Variants in SORL1 observed in about 807,000 individuals in gnomAD.
SORL1 encodes sortilin related receptor 1, also known as sortilin-related receptor.
In SORL1, 127 loss-of-function variants were observed where a neutral mutation model predicts 273.7. The observed-to-expected ratio is 0.46, with a 90% CI of 0.40 to 0.54. The LOEUF (loss-of-function observed/expected upper bound fraction) is 0.54, where lower values mean the gene tolerates loss of function less well. Among genes scored for constraint, SORL1 ranks in the 20% least tolerant of loss-of-function variants. The pLI is 0.00. For synonymous variants in SORL1, 1,031 were observed against 1,067.4 expected (o/e 0.97, Z 0.66); for missense variants, 2,494 against 2,846.1 (o/e 0.88, Z 2.81).
intron 12 of SORL1, among the ~76,000 whole-genome samples, chr11:121,537,857 G>A (rs1377290883): frequency 6.6e-6 from 1 of 152,224 alleles, no homozygotes; most frequent in African/African-American, 2.4e-5. Context: ...GAGATGCACA[G>A]TAGATACTTC....
chr11:121,618,622 C>G, intron 41 of SORL1, 152 bp from the exon 42 acceptor site: 1 of 938,830 alleles, frequency 1.1e-6, no homozygotes, highest in Non-Finnish European at 1.6e-6. Context: ...CAAGTGCCTT[C>G]TCTGTAAATG....
chr11:121,531,401 A>G (rs12277675), intron 11 of SORL1, among the ~76,000 whole-genome samples: 10,410 of 152,278 alleles, frequency 0.068, 474 homozygotes, highest in South Asian at 0.13. Context: ...CTCAAAAAAT[A>G]AAAAATTAAA....
chr11:121,629,261 G>A (rs1024606383), intron 47 of SORL1: 8 of 499,544 alleles, frequency 1.6e-5, no homozygotes, highest in Admixed American at 1.1e-4. Context: ...ATTTGGCTAC[G>A]TTCAAACGAC....
chr11:121,590,607 A>G, intron 30 of SORL1: 1 of 590,250 alleles, frequency 1.7e-6, no homozygotes, highest in Non-Finnish European at 3.0e-6. Context: ...CCTTTCTGGC[A>G]TTCTCATCTC....
chr11:121,621,302 C>CTCCAGAGACAGACTT, intron 44 of SORL1, 64 bp downstream of exon 44: 1 of 1,415,214 alleles, frequency 7.1e-7, no homozygotes, highest in Non-Finnish European at 9.7e-7. Context: ...GCCGCTAGAC[C>CTCCAGAGACAGACTT]TCCAGAGACA....
At chr11:121,562,137 A>G (rs1862686417) in intron 21 of SORL1, among the ~76,000 whole-genome samples, 1 of 152,046 alleles carries the variant, frequency 6.6e-6, no homozygotes, top group African/African-American at 2.4e-5. Flanking sequence ...CTAAAAATCC[A>G]CTCTGCTAGC....
In SORL1 at chr11:121,452,558, C is replaced by T. The variant is rs372705427; in HGVS notation, c.227C>T (p.Pro76Leu). Residue 76 changes from proline (P) to leucine (L), a missense_variant, in exon 1 of 48, where the codon CCG (proline) becomes CTG (leucine). This residue lies in a region of SORL1 where 175 missense variants were observed against 147.1 expected (regional missense o/e 1.19). Transcript: ENST00000260197. This position sits in a 1 kb window ranked among gnomAD's most constrained non-coding sequence, Gnocchi z 5.3. ...ARGASRADEK[P>L]LRRKRSAALQ... ...GGGGCGAGCCGCGCGGACGAGAAGC[C>T]GCTCCGGAGGAAACGGAGCGCTGCC... is the stretch of plus-strand genomic sequence containing the variant. 1.7e-4 allele frequency: 260 copies of T among 1,511,122 alleles called. No individual in the cohort carries two copies. Among genetic ancestry groups the T allele is most frequent in the Non-Finnish European group, 2.1e-4 (242 of 1,136,808 alleles). The allele number at this position is 1,511,122 out of a possible 1,614,324, so 93.6% of individuals were successfully genotyped here.
At position 121,520,880 on chromosome 11, in the gene SORL1, T is replaced by C. The variant is rs745395586; in HGVS notation, c.1404+31T>C. On this transcript the variant is annotated intron_variant, in intron 9 of 47. Transcript: ENST00000260197. Reference sequence around the variant, plus strand: ...GATGCTTTAATCTTCTTTTGCTTTTTAATATAAAGGAAAGAGCCCTGCTCT... The same window carrying C: ...GATGCTTTAATCTTCTTTTGCTTTTCAATATAAAGGAAAGAGCCCTGCTCT... 2.0e-6 allele frequency: 3 copies of C among 1,508,226 alleles called. No individual in the cohort carries two copies. The African/African-American group carries it at 4.2e-5, about 21-fold the overall frequency. 93.4% of individuals were successfully genotyped at this position (1,508,226 alleles called of 1,614,324 possible).
At chr11:121,486,712 C>T (rs1160610788) in intron 3 of SORL1, among the ~76,000 whole-genome samples, 1 of 152,058 alleles carries the variant, frequency 6.6e-6, no homozygotes, top group Non-Finnish European at 1.5e-5. Flanking sequence ...ATCTCCTGAC[C>T]TCGTGATCCC....
chr11:121,496,626 G>A (rs999229282), intron 5 of SORL1, among the ~76,000 whole-genome samples: 1 of 152,172 alleles, frequency 6.6e-6, no homozygotes. Context: ...GCAGGGCAGG[G>A]TTGCCTTGAG....
intron 8 of SORL1, among the ~76,000 whole-genome samples, chr11:121,517,206 C>A (rs935282686): frequency 6.6e-6 from 1 of 152,144 alleles, no homozygotes; most frequent in South Asian, 2.1e-4. Context: ...AAAAGAGAAC[C>A]CCATGCCCAT....
chr11:121,586,985 C>T (rs1367481466), intron 27 of SORL1, among the ~76,000 whole-genome samples: 1 of 152,104 alleles, frequency 6.6e-6, no homozygotes, highest in African/African-American at 2.4e-5. Context: ...GCAAACTAGC[C>T]TGTGGGCAAA....
At chr11:121,523,057 C>A in intron 11 of SORL1, 68 bp downstream of exon 11, 2 of 1,086,216 alleles carry the variant, frequency 1.8e-6, no homozygotes, top group Non-Finnish European at 2.9e-6. Context: ...GTAGACTGTG[C>A]CTTGGCATTT....
chr11:121,562,804 G>C (rs757447100), intron 21 of SORL1, among the ~76,000 whole-genome samples: 2 of 152,202 alleles, frequency 1.3e-5, no homozygotes, highest in Non-Finnish European at 2.9e-5. Flanking sequence ...AAGATCTGCT[G>C]TAAGAACGAA....
intron 12 of SORL1, 35 bp downstream of exon 12, chr11:121,532,587 C>A: frequency 5.2e-6 from 8 of 1,551,960 alleles, no homozygotes; most frequent in Non-Finnish European, 7.1e-6. Flanking sequence ...TAACATCAAA[C>A]TTTCTCCCAG....
chr11:121,623,010 G>A (rs1387080106), intron 45 of SORL1, among the ~76,000 whole-genome samples: 1 of 152,208 alleles, frequency 6.6e-6, no homozygotes, highest in Non-Finnish European at 1.5e-5. Context: ...AAAGCAAAGT[G>A]AAATTAAAAT....
chr11:121,557,392 G>C lies in SORL1; in HGVS notation c.2650G>C (p.Val884Leu). 1 of 1,613,636 alleles carries C rather than the reference G, an allele frequency of 6.2e-7. No homozygotes were observed. Among genetic ancestry groups the C allele is most frequent in the Non-Finnish European group, 8.5e-7 (1 of 1,179,536 alleles). ...VLDRPRALVL[V>L]PQEGVMFWTD... is the part of the protein sequence containing the mutation. Reference sequence around the variant, plus strand: ...TGATCGTCCCAGGGCTCTGGTCCTCGTGCCCCAAGAGGGGTAAGTGTTGCC... The same window carrying C: ...TGATCGTCCCAGGGCTCTGGTCCTCCTGCCCCAAGAGGGGTAAGTGTTGCC... The change falls in exon 19 of 48, where the codon GTG (valine) becomes CTG (leucine). Residue 884 changes from valine (V) to leucine (L), a missense_variant. Coordinates refer to ENST00000260197, the MANE Select transcript of SORL1 (RefSeq NM_003105.6).
intron 6 of SORL1, among the ~76,000 whole-genome samples, chr11:121,506,995 G>A (rs1460059935): frequency 6.6e-6 from 1 of 151,770 alleles, no homozygotes; most frequent in African/African-American, 2.4e-5. Context: ...CTGTGCTTTG[G>A]GGATTACAAT....
intron 21 of SORL1, among the ~76,000 whole-genome samples, chr11:121,562,750 T>C (rs1862696998): frequency 6.6e-6 from 1 of 152,204 alleles, no homozygotes; most frequent in Non-Finnish European, 1.5e-5. Flanking sequence ...GTGAAAGTTC[T>C]AGACTTAATA....
Sources: gnomAD v4.1 joint callset for allele counts (sites outside exome capture counted in the v4.1 genomes callset) on GRCh38, gnomAD v4.1.1 for gene constraint, gnomAD v4.1.1 regional missense constraint, Gnocchi (gnomAD v3.1) non-coding constraint, MANE v1.5 for transcripts, NCBI Gene and HGNC (gene_info 2026-07-23, HGNC 2026-07-21) for gene names.